The following SNTG2 variants were observed in gnomAD, a reference collection of about 807,000 sequenced individuals.
SNTG2 encodes the protein gamma-2-syntrophin.
A neutral mutation model predicts 70.9 loss-of-function variants in SNTG2; 74 were observed. The observed-to-expected ratio is 1.04, with a 90% CI of 0.86 to 1.27. The LOEUF (loss-of-function observed/expected upper bound fraction) is 1.27, where lower values mean the gene tolerates loss of function less well. Among genes scored for constraint, SNTG2 ranks in the 50% most tolerant of loss-of-function variants. The pLI, the probability that SNTG2 is intolerant of heterozygous loss-of-function variation, is 0.00. For missense variants in SNTG2, 717 were observed against 690.7 expected, an observed-to-expected ratio of 1.04 and a Z score of -0.43; for synonymous variants, 278 against 273.8, an observed-to-expected ratio of 1.02 and a Z score of -0.15.
chr2:1,330,773 C>A (rs1659483209), intron 16 of SNTG2, among the ~76,000 whole-genome samples: 1 of 152,156 alleles, frequency 6.6e-6, no homozygotes, highest in South Asian at 2.1e-4. Context: ...TAGGTATTTG[C>A]AAGACAGAGC....
At chr2:1,215,161 C>T (rs899020990) in intron 9 of SNTG2, among the ~76,000 whole-genome samples, 2 of 152,058 alleles carry the variant, frequency 1.3e-5, no homozygotes, top group African/African-American at 2.4e-5. Flanking sequence ...GATGTTTGCA[C>T]GTATGTTCAT....
chr2:1,181,679 G>T (rs541017102), intron 8 of SNTG2, among the ~76,000 whole-genome samples: 2 of 150,832 alleles, frequency 1.3e-5, no homozygotes, highest in Non-Finnish European at 2.9e-5. Context: ...CAGTTTTTCC[G>T]TGTTATTATT....
chr2:1,205,257 G>T (rs1413545495), intron 8 of SNTG2, among the ~76,000 whole-genome samples: 1 of 152,106 alleles, frequency 6.6e-6, no homozygotes, highest in East Asian at 1.9e-4. Context: ...TGAAATATTT[G>T]GAGGCTTTTG....
chr2:1,224,147 C>T (rs899127571), intron 9 of SNTG2, among the ~76,000 whole-genome samples: 2 of 152,158 alleles, frequency 1.3e-5, no homozygotes, highest in Non-Finnish European at 2.9e-5. Flanking sequence ...CTCAGGACCT[C>T]ATCACCTCTC....
At chr2:1,162,790 T>C (rs1258885882) in intron 6 of SNTG2, among the ~76,000 whole-genome samples, 1 of 152,112 alleles carries the variant, frequency 6.6e-6, no homozygotes, top group African/African-American at 2.4e-5. Context: ...GGGGGGAGGA[T>C]AGAATCAGAC....
chr2:1,066,466 C>G (rs189112516), intron 1 of SNTG2, among the ~76,000 whole-genome samples: 3 of 152,090 alleles, frequency 2.0e-5, no homozygotes, highest in Admixed American at 6.5e-5. Context: ...GCACACTTCT[C>G]AGATGTGATG....
intron 14 of SNTG2, among the ~76,000 whole-genome samples, chr2:1,306,246 C>CTG (rs1327790370): frequency 3.9e-5 from 6 of 152,096 alleles, no homozygotes; most frequent in Non-Finnish European, 8.8e-5. Flanking sequence ...TGACCGCCGG[C>CTG]TGTGTGTGTG....
At chr2:1,043,812 A>G (rs140403487) in intron 1 of SNTG2, among the ~76,000 whole-genome samples, 2 of 152,248 alleles carry the variant, frequency 1.3e-5, no homozygotes, top group African/African-American at 4.8e-5. Flanking sequence ...TTTAGTTACT[A>G]TAACCTTGTA....
chr2:1,255,875 T>TATATATAA (rs1553373349), intron 12 of SNTG2, among the ~76,000 whole-genome samples: 2,924 of 49,940 alleles, frequency 0.059, 111 homozygotes, highest in African/African-American at 0.083. Context: ...TATATATAAA[T>TATATATAA]ATATATATAA....
intron 1 of SNTG2, among the ~76,000 whole-genome samples, chr2:999,842 T>G (rs1661810235): frequency 6.6e-6 from 1 of 151,948 alleles, no homozygotes; most frequent in Non-Finnish European, 1.5e-5. Context: ...CTTCAGTGCA[T>G]AGAACATTTT....
chr2:1,305,645 A>T (rs557909344), intron 14 of SNTG2, among the ~76,000 whole-genome samples: 293 of 152,342 alleles, frequency 1.9e-3, no homozygotes, highest in Middle Eastern at 6.8e-3. Context: ...AGATTTTTTT[A>T]AAAAATTCCC....
At chr2:1,209,809 T>C (rs1673917834) in intron 9 of SNTG2, among the ~76,000 whole-genome samples, 1 of 152,246 alleles carries the variant, frequency 6.6e-6, no homozygotes, top group Admixed American at 6.5e-5. Context: ...CCACAAGTAA[T>C]GAGTTGGTGA....
chr2:1,142,776 C>T (rs1424326330), intron 6 of SNTG2, among the ~76,000 whole-genome samples: 1 of 152,224 alleles, frequency 6.6e-6, no homozygotes, highest in Non-Finnish European at 1.5e-5. Context: ...AATCTCTAGT[C>T]ATTGCACCCA....
At chr2:1,192,879 G>C (rs1351263157) in intron 8 of SNTG2, among the ~76,000 whole-genome samples, 1 of 152,202 alleles carries the variant, frequency 6.6e-6, no homozygotes, top group East Asian at 1.9e-4. Context: ...ATAAAGGAAT[G>C]TTTCCACACA....
At chr2:965,349 G>A (rs111206395) in intron 1 of SNTG2, among the ~76,000 whole-genome samples, 58 of 89,280 alleles carry the variant, frequency 6.5e-4, no homozygotes, top group African/African-American at 1.7e-3. Context: ...CTGGTCCCCA[G>A]TCCTCCTCCT....
intron 1 of SNTG2, among the ~76,000 whole-genome samples, chr2:995,540 T>A (rs953534291): frequency 6.6e-6 from 1 of 152,120 alleles, no homozygotes; most frequent in Non-Finnish European, 1.5e-5. Flanking sequence ...TGGTGTCTGA[T>A]CTGTGTCAGG....
At chr2:1,068,404 C>G (rs578109864) in intron 1 of SNTG2, 1 of 152,106 alleles carries the variant, frequency 6.6e-6, no homozygotes, top group Non-Finnish European at 1.5e-5. Context: ...TTTCCACAGT[C>G]GAGATGGTAA....
intron 2 of SNTG2, among the ~76,000 whole-genome samples, chr2:1,096,534 G>T (rs938986729): frequency 6.6e-6 from 1 of 151,924 alleles, no homozygotes; most frequent in African/African-American, 2.4e-5. Context: ...CTGCTTCTGC[G>T]TTCAACATCC....
rs1674627095 is a variant in SNTG2, at chr2:1,219,704, G to A, written c.719+10474G>A. Among the ~76,000 whole-genome samples, 5 of 150,874 alleles carry A rather than the reference G, an allele frequency of 3.3e-5. No individual in the cohort carries two copies. The South Asian group carries it at 8.4e-4, about 25-fold the overall frequency. On this transcript the variant is annotated intron_variant, in intron 9 of 16. Transcript: ENST00000308624. ...AGAAAGGGAAGGGAGGGGAGTGGAG[G>A]GGAGGCGAGGGGAGGGGAGGCGGAG...
Sources: gnomAD v4.1 joint callset for allele counts (sites outside exome capture counted in the v4.1 genomes callset) on GRCh38, gnomAD v4.1.1 for gene constraint, MANE v1.5 for transcripts, NCBI Gene and HGNC (gene_info 2026-07-23, HGNC 2026-07-21) for gene names.